SOD2: variants seen among roughly 807,000 people sequenced by gnomAD.
SOD2 encodes superoxide dismutase [Mn], mitochondrial.
In SOD2, 11 loss-of-function variants were observed where a neutral mutation model predicts 27.0. That is an observed-to-expected ratio of 0.41 (90% CI 0.26 to 0.67). The LOEUF is 0.67. Among genes scored for constraint, SOD2 ranks in the 30% least tolerant of loss-of-function variants. The probability of loss-of-function intolerance (pLI) is 0.34; values close to 1 mark genes in which losing one functional copy is unlikely to be tolerated. For synonymous variants in SOD2, 105 were observed against 103.0 expected, an observed-to-expected ratio of 1.02 and a Z score of -0.12; for missense variants, 250 against 274.5, an observed-to-expected ratio of 0.91 and a Z score of 0.63.
intron 1 of SOD2, among the ~76,000 whole-genome samples, chr6:159,732,551 T>C (rs952624414): frequency 2.0e-5 from 3 of 152,334 alleles, no homozygotes; most frequent in East Asian, 1.9e-4. Context: ...AAAAATATTA[T>C]TGGCCGGGCG....
chr6:159,700,643 ACT>A (rs200200017), intron 1 of SOD2, among the ~76,000 whole-genome samples: 2,414 of 121,358 alleles, frequency 0.02, 78 homozygotes, highest in African/African-American at 0.076. Context: ...GACGTGCGAG[ACT>A]CTGTCTCAAA....
intron 1 of SOD2, among the ~76,000 whole-genome samples, chr6:159,700,648 GTC>G (rs895193860): frequency 5.4e-5 from 5 of 92,554 alleles, no homozygotes; most frequent in African/African-American, 2.5e-4. Flanking sequence ...GCGAGACTCT[GTC>G]TCAAAAAAAA....
upstream of SOD2, among the ~76,000 whole-genome samples, chr6:159,694,792 C>T (rs1357820043): frequency 1.3e-5 from 2 of 148,826 alleles, no homozygotes; most frequent in African/African-American, 5.0e-5. Context: ...TTGGTAGAGA[C>T]GGGGTTTCAC....
intron 1 of SOD2, among the ~76,000 whole-genome samples, chr6:159,725,275 G>A (rs1398153445): frequency 2.0e-5 from 3 of 152,100 alleles, no homozygotes; most frequent in African/African-American, 4.8e-5. Context: ...GAGGTCAGGA[G>A]TTCCAGACCA....
At chr6:159,743,688 G>A (rs777327891) in intron 1 of SOD2, 2 of 1,612,646 alleles carry the variant, frequency 1.2e-6, no homozygotes, top group Non-Finnish European at 1.7e-6. Context: ...TGGCCTAAGA[G>A]AGTCTGAAGA....
chr6:159,688,141 C>A lies in SOD2; in HGVS notation c.328G>T (p.Gly110Cys). 1.2e-6 allele frequency: 2 copies of A among 1,606,656 alleles called. No individual in the cohort carries two copies. Among genetic ancestry groups the A allele is most frequent in the Non-Finnish European group, 1.7e-6 (2 of 1,173,198 alleles). Reference protein sequence around the residue: ...IFWTNLSPNGGGEPKGELLEA... With the variant: ...IFWTNLSPNGCGEPKGELLEA... ...ATATACCAACCTTTGGGTTCTCCACCACCGTTAGGGCTGAGGTTTGTCCAG... is the reference window on the plus strand; with the variant it reads ...ATATACCAACCTTTGGGTTCTCCACAACCGTTAGGGCTGAGGTTTGTCCAG... The change falls in exon 3 of 5, where the codon GGT becomes TGT. Residue 110 changes from glycine (G) to cysteine (C), a missense_variant. Gly to Cys is a radical substitution (Grantham distance 159). Transcript: ENST00000538183.
chr6:159,693,040 GT>G, intron 1 of SOD2, 104 bp downstream of exon 1: 1 of 1,473,450 alleles, frequency 6.8e-7, no homozygotes, highest in Non-Finnish European at 9.0e-7. Context: ...AGGTGCCCCG[GT>G]CCCGCCAGGC....
At position 159,688,199 on chromosome 6, in the gene SOD2, G is replaced by A; in HGVS notation, c.270C>T (p.Phe90=). 2 of 1,613,710 alleles carry A rather than the reference G, an allele frequency of 1.2e-6. No homozygotes were observed. Among genetic ancestry groups the A allele is most frequent in the Non-Finnish European group, 1.7e-6 (2 of 1,179,660 alleles). The change falls in exon 3 of 5, where the codon TTC becomes TTT. Residue 90 remains phenylalanine (F), a synonymous_variant. Transcript: ENST00000538183. ...AQIALQPALK[F]NGGGHINHSI... The stretch of plus-strand genomic sequence containing the variant: ...TATGATTGATATGACCACCACCATT[G>A]AACTTCAGTGCAGGCTGAAGAGCTA...
chr6:159,697,819 AG>A (rs1777450900), upstream of SOD2, among the ~76,000 whole-genome samples: 1 of 152,232 alleles, frequency 6.6e-6, no homozygotes, highest in South Asian at 2.1e-4. Context: ...ATGCAGTGTC[AG>A]GGGTGCTGGT....
intron 1 of SOD2, chr6:159,727,000 C>T: frequency 7.9e-7 from 1 of 1,267,448 alleles, no homozygotes; most frequent in Admixed American, 2.4e-5. Context: ...TCGCCCAGAT[C>T]CCTCCGCACG....
At chr6:159,700,445 G>A (rs1054198100) in intron 1 of SOD2, among the ~76,000 whole-genome samples, 1 of 152,078 alleles carries the variant, frequency 6.6e-6, no homozygotes, top group Non-Finnish European at 1.5e-5. Context: ...ACAAGGTCAG[G>A]CGATCGAGAC....
intron 3 of SOD2, among the ~76,000 whole-genome samples, chr6:159,685,671 CCCGT>C (rs143692920): frequency 0.46 from 65,895 of 142,614 alleles, 14,821 homozygotes; most frequent in Admixed American, 0.51. Context: ...GTTTTCACCC[CCCGT>C]CCCCTTCTTT....
intron 1 of SOD2, among the ~76,000 whole-genome samples, chr6:159,711,799 T>C (rs530665545): frequency 1.5e-3 from 42 of 28,958 alleles, no homozygotes; most frequent in South Asian, 3.6e-3. Context: ...ATTGCTCTGA[T>C]CACCATAACC....
chr6:159,693,282 G>C (rs1001483563), upstream of SOD2: 1 of 899,740 alleles, frequency 1.1e-6, no homozygotes, highest in Non-Finnish European at 1.6e-6. Context: ...AAAGCGCGGG[G>C]AGCAGGGCCG....
chr6:159,675,248 T>C lies in SOD2; in HGVS notation c.*7245A>G, dbSNP rs1317098728. ...TCTTCATAGAATTGGAAAAAACTAC[T>C]TTAAAGTTCATGTGGAACCAAAAAA... On this transcript the variant is annotated 3_prime_UTR_variant, in exon 5 of 5. Coordinates refer to ENST00000538183, the MANE Select transcript of SOD2 (RefSeq NM_000636.4). 6.6e-6 allele frequency: 1 copy of C among 152,208 alleles called. No individual in the cohort carries two copies. The highest frequency in any genetic ancestry group is 2.4e-5 in the African/African-American group (1 of 41,450). The allele number at this position is 152,208 out of a possible 1,614,324, so 9.4% of individuals were successfully genotyped here. A position where few individuals can be genotyped will look rare whatever the true frequency, so the allele number is the denominator to read the frequency against.
chr6:159,731,251 A>C (rs547758785), upstream of SOD2, among the ~76,000 whole-genome samples: 2 of 152,010 alleles, frequency 1.3e-5, no homozygotes, highest in Non-Finnish European at 2.9e-5. Flanking sequence ...TCCTGAGCCC[A>C]GGAGTTCAAG....
At chr6:159,722,772 G>C (rs536052529) in intron 1 of SOD2, among the ~76,000 whole-genome samples, 8 of 152,280 alleles carry the variant, frequency 5.3e-5, no homozygotes, top group African/African-American at 1.7e-4. Flanking sequence ...TTTACCATAA[G>C]TGTACTCTCA....
chr6:159,713,208 G>A (rs1777863033), intron 1 of SOD2: 13 of 963,380 alleles, frequency 1.3e-5, no homozygotes, highest in South Asian at 5.0e-5. Flanking sequence ...CAGTAATTGC[G>A]GTCTTTTCCA....
chr6:159,712,372 T>A (rs374458095), intron 1 of SOD2, among the ~76,000 whole-genome samples: 143 of 92,350 alleles, frequency 1.5e-3, no homozygotes, highest in African/African-American at 3.2e-3. Flanking sequence ...TGCTCTGACC[T>A]CCATAACCAC....
Sources: gnomAD v4.1 joint callset for allele counts (sites outside exome capture counted in the v4.1 genomes callset) on GRCh38, gnomAD v4.1.1 for gene constraint, MANE v1.5 for transcripts, NCBI Gene and HGNC (gene_info 2026-07-23, HGNC 2026-07-21) for gene names.